Variants in PARP15 observed in about 807,000 individuals in gnomAD.
PARP15 encodes protein mono-ADP-ribosyltransferase PARP15.
PARP15 carries 50 observed loss-of-function variants against 62.1 expected under a neutral mutation model. The ratio of observed to expected loss-of-function variants is 0.81; its 90% CI spans 0.64 to 1.02. PARP15 has a LOEUF of 1.02. Ranked by LOEUF, PARP15 falls within the 50% of genes least tolerant of loss-of-function variation. PARP15 has a pLI of 0.00. For synonymous variants in PARP15, 309 were observed against 293.1 expected (o/e 1.05, Z -0.55); for missense variants, 820 against 826.5 (o/e 0.99, Z 0.10).
chr3:122,627,167 T>C lies in PARP15; in HGVS notation c.1438+134T>C, dbSNP rs970504746. The C allele has an allele frequency of 1.7e-5, 13 of 776,266 alleles. No homozygotes were observed. The East Asian group carries it at 3.0e-4, about 18-fold the overall frequency. 48.1% of individuals were successfully genotyped at this position (776,266 alleles called of 1,614,324 possible). A position where few individuals can be genotyped will look rare whatever the true frequency, so the allele number is the denominator to read the frequency against. On this transcript the variant is annotated intron_variant, in intron 9 of 11. Coordinates refer to ENST00000464300, the MANE Select transcript of PARP15 (RefSeq NM_001113523.3). ...TTTTCAGACAACTTCTTATGATCCATGGGAAAAGTATAAAAATTAGAGAAT... is the reference window on the plus strand; with the variant it reads ...TTTTCAGACAACTTCTTATGATCCACGGGAAAAGTATAAAAATTAGAGAAT...
Position 122,632,183 on chromosome 3 carries a change from G to A in PARP15, c.1536G>A (p.Lys512=). ...GQSEYNTIKD[K]FTRTCSSYAI... ...CAGAATATAATACCATAAAGGACAA[G>A]TTCACCCGAACTTGTTCTTCCTACG... is the stretch of plus-strand genomic sequence containing the variant. The change falls in exon 10 of 12, where the codon AAG becomes AAA. Residue 512 remains lysine (K), a synonymous_variant. Coordinates refer to ENST00000464300, the MANE Select transcript of PARP15 (RefSeq NM_001113523.3). The A allele has an allele frequency of 6.2e-7, 1 of 1,613,876 alleles. No individual in the cohort carries two copies. The highest frequency in any genetic ancestry group is 8.5e-7 in the Non-Finnish European group (1 of 1,179,896).
chr3:122,635,971 A>G lies in PARP15; in HGVS notation c.1908A>G (p.Pro636=), dbSNP rs944498240. 3 of 1,614,098 alleles carry G rather than the reference A, an allele frequency of 1.9e-6. No homozygotes were observed. The change falls in exon 12 of 12, where the codon CCA becomes CCG. Residue 636 remains proline (P), a synonymous_variant. Coordinates refer to ENST00000464300, the MANE Select transcript of PARP15 (RefSeq NM_001113523.3). The part of the protein sequence containing the change: ...TKGRAGLVTP[P]PKNPHNPTDL... The stretch of plus-strand genomic sequence containing the variant: ...GACGTGCAGGATTAGTCACCCCTCC[A>G]CCCAAGAATCCTCACAATCCCACAG...
At chr3:122,593,147 C>G (rs1934078329) in intron 1 of PARP15, among the ~76,000 whole-genome samples, 1 of 145,128 alleles carries the variant, frequency 6.9e-6, no homozygotes, top group African/African-American at 2.7e-5. Flanking sequence ...ATGTATCTAT[C>G]TATATTTTTG....
chr3:122,595,681 C>G (rs1263818598), intron 1 of PARP15, among the ~76,000 whole-genome samples: 1 of 152,138 alleles, frequency 6.6e-6, no homozygotes, highest in Non-Finnish European at 1.5e-5. Context: ...CAGGCATGCA[C>G]CACCACACCC....
rs1937466816 is a variant in PARP15, at chr3:122,638,268, A to C, written c.*2168A>C. The stretch of plus-strand genomic sequence containing the variant: ...AGTGCCGCAATAAACATACGTGTGC[A>C]TGTGTCTTTACAGCAGCATGATTTA... On this transcript the variant is annotated 3_prime_UTR_variant, in exon 12 of 12. Transcript: ENST00000464300. 1 of 152,224 alleles carries C rather than the reference A, an allele frequency of 6.6e-6. No homozygotes were observed. Among genetic ancestry groups the C allele is most frequent in the East Asian group, 1.9e-4 (1 of 5,190 alleles). 9.4% of individuals were successfully genotyped at this position (152,224 alleles called of 1,614,324 possible). A position where few individuals can be genotyped will look rare whatever the true frequency, so the allele number is the denominator to read the frequency against.
intron 7 of PARP15, among the ~76,000 whole-genome samples, chr3:122,620,340 T>C (rs1270432736): frequency 6.6e-6 from 1 of 152,216 alleles, no homozygotes; most frequent in East Asian, 1.9e-4. Context: ...CTAATCCTTT[T>C]ATGAATGAGT....
chr3:122,622,377 C>T (rs1179495457), intron 8 of PARP15, among the ~76,000 whole-genome samples: 1 of 152,202 alleles, frequency 6.6e-6, no homozygotes, highest in Non-Finnish European at 1.5e-5. Context: ...CTCGTTTCCT[C>T]CTTTGGTGGT....
intron 9 of PARP15, among the ~76,000 whole-genome samples, chr3:122,628,642 T>G (rs1936882171): frequency 2.6e-5 from 4 of 152,150 alleles, no homozygotes; most frequent in South Asian, 2.1e-4. Flanking sequence ...ACAGTGTAGT[T>G]GAAGAGAGAA....
At chr3:122,624,501 G>C (rs777565943) in intron 8 of PARP15, among the ~76,000 whole-genome samples, 2 of 152,192 alleles carry the variant, frequency 1.3e-5, no homozygotes, top group African/African-American at 2.4e-5. Flanking sequence ...GCAAAGACAA[G>C]TTTATTGTGA....
At position 122,627,178 on chromosome 3, in the gene PARP15, T is replaced by C. The variant is rs372498551; in HGVS notation, c.1438+145T>C. ...CTTCTTATGATCCATGGGAAAAGTA[T>C]AAAAATTAGAGAATGCAACCTCCTG... On this transcript the variant is annotated intron_variant, in intron 9 of 11. Transcript: ENST00000464300. 173 of 741,602 alleles carry C rather than the reference T, an allele frequency of 2.3e-4. No homozygotes were observed. In the African/African-American group the frequency reaches 2.9e-3, roughly 13 times the overall value. 45.9% of individuals were successfully genotyped at this position (741,602 alleles called of 1,614,324 possible).
At chr3:122,590,280 A>G (rs1299317644) in intron 1 of PARP15, among the ~76,000 whole-genome samples, 1 of 150,862 alleles carries the variant, frequency 6.6e-6, no homozygotes, top group Non-Finnish European at 1.5e-5. Flanking sequence ...TCCAAATAAT[A>G]TATATATTTT....
In PARP15 at chr3:122,580,013, A is replaced by G. The variant is rs1187522096; in HGVS notation, c.186+2160A>G. On this transcript the variant is annotated intron_variant, in intron 1 of 11. Coordinates refer to ENST00000464300, the MANE Select transcript of PARP15 (RefSeq NM_001113523.3). Reference sequence around the variant, plus strand: ...AGCAACTATATGTATATATATATATATATATATATATATATATATATATGC... The same window carrying G: ...AGCAACTATATGTATATATATATATGTATATATATATATATATATATATGC... Among the ~76,000 whole-genome samples the G allele has an allele frequency of 6.0e-3, 672 of 112,572 alleles. 23 individuals carry two copies. The highest frequency in any genetic ancestry group is 0.018 in the African/African-American group (593 of 33,004). The allele number at this position is 112,572 out of a possible 152,430, so 73.9% of individuals were successfully genotyped here.
intron 4 of PARP15, chr3:122,615,463 C>A: frequency 8.1e-7 from 1 of 1,231,484 alleles, no homozygotes; most frequent in Non-Finnish European, 1.1e-6. Flanking sequence ...AATTATGGGG[C>A]TTCAAAAGAG....
At chr3:122,617,311 C>T (rs1172530342) in intron 6 of PARP15, 147 bp downstream of exon 6, 3 of 792,368 alleles carry the variant, frequency 3.8e-6, no homozygotes, top group East Asian at 2.7e-5. Context: ...TGAATCCCAG[C>T]TATGCCACTT....
intron 3 of PARP15, among the ~76,000 whole-genome samples, chr3:122,611,185 C>T (rs914823084): frequency 2.0e-5 from 3 of 152,076 alleles, no homozygotes; most frequent in African/African-American, 7.2e-5. Context: ...GCCCTTCTTT[C>T]GATAACATCA....
rs1936799902 is a variant in PARP15, at chr3:122,627,347, T to C, written c.1438+314T>C. On this transcript the variant is annotated intron_variant, in intron 9 of 11. Coordinates refer to ENST00000464300, the MANE Select transcript of PARP15 (RefSeq NM_001113523.3). ...CCAATATTTATTGATTGGTTGGTAT[T>C]GACCCTCATTTCCTCTTGGAGCTGT... Among the ~76,000 whole-genome samples, 3 of 152,206 alleles carry C rather than the reference T, an allele frequency of 2.0e-5. No homozygotes were observed. In the South Asian group the frequency reaches 6.2e-4, roughly 31 times the overall value.
At chr3:122,579,781 T>A (rs1475092656) in intron 1 of PARP15, among the ~76,000 whole-genome samples, 1 of 151,800 alleles carries the variant, frequency 6.6e-6, no homozygotes, top group South Asian at 2.1e-4. Flanking sequence ...GAGTTCAAGA[T>A]CAGCCTGGCG....
At chr3:122,585,933 G>A (rs548178517) in intron 1 of PARP15, among the ~76,000 whole-genome samples, 6 of 152,248 alleles carry the variant, frequency 3.9e-5, no homozygotes, top group African/African-American at 1.4e-4. Context: ...TATTTTATGC[G>A]AATCCCTATC....
intron 6 of PARP15, among the ~76,000 whole-genome samples, chr3:122,618,473 C>T (rs560142427): frequency 1.4e-4 from 21 of 152,120 alleles, no homozygotes; most frequent in African/African-American, 4.8e-4. Flanking sequence ...TACCTGCAGG[C>T]GAGAAGAGTA....
Sources: allele counts gnomAD v4.1 joint callset (sites outside exome capture counted in the v4.1 genomes callset), GRCh38; gene constraint gnomAD v4.1.1; transcripts MANE v1.5; gene names NCBI Gene and HGNC (gene_info 2026-07-23, HGNC 2026-07-21).